SLC33A2: variants seen among roughly 807,000 people sequenced by gnomAD.
The protein encoded by SLC33A2 is solute carrier family 33 member 2, also known as major facilitator superfamily domain containing 3.
chr8:144,510,345 C>G, the SLC33A2 span: 1 of 1,611,066 alleles, frequency 6.2e-7, no homozygotes, highest in Non-Finnish European at 8.5e-7. Flanking sequence ...GCTCATGCCC[C>G]CCCCACCACC....
chr8:144,510,602 C>T, the SLC33A2 span: 4 of 1,583,900 alleles, frequency 2.5e-6, no homozygotes, highest in East Asian at 9.0e-5. Flanking sequence ...TCCCAGGAAA[C>T]TGCTGCCTCT....
chr8:144,510,770 CA>C, the SLC33A2 span: 1 of 1,610,352 alleles, frequency 6.2e-7, no homozygotes, highest in Non-Finnish European at 8.5e-7. Context: ...GAGCCTGGGG[CA>C]CTGCTGACTT....
the SLC33A2 span, chr8:144,510,168 G>C: frequency 7.0e-5 from 89 of 1,277,022 alleles, no homozygotes; most frequent in Non-Finnish European, 9.2e-5. Flanking sequence ...CTGCAGCTGG[G>C]CCTTGTGTCT....
the SLC33A2 span, chr8:144,510,658 G>GA: frequency 6.4e-7 from 1 of 1,559,658 alleles, no homozygotes. Context: ...TAGCCTGTCA[G>GA]ACTGCCTTGG....
the SLC33A2 span, chr8:144,510,704 G>A: frequency 5.1e-6 from 8 of 1,575,336 alleles, no homozygotes; most frequent in East Asian, 9.0e-5. Context: ...CAGCATGGAC[G>A]CTGGCACAAT....
At chr8:144,509,457 C>A in the SLC33A2 span, 1 of 1,535,460 alleles carries the variant, frequency 6.5e-7, no homozygotes, top group South Asian at 1.2e-5. Context: ...GCGCGTGGGG[C>A]TGGCCAAGGT....
chr8:144,509,419 T>TGCTGCGTGCC, the SLC33A2 span: 7 of 1,531,410 alleles, frequency 4.6e-6, no homozygotes, highest in Admixed American at 1.2e-4. Flanking sequence ...CTGCCAGTGC[T>TGCTGCGTGCC]GCTGCGTGCC....
At chr8:144,509,276 C>T in the SLC33A2 span, 1 of 1,412,608 alleles carries the variant, frequency 7.1e-7, no homozygotes, top group Non-Finnish European at 9.2e-7. Flanking sequence ...GGGGACCTCG[C>T]CTTGCGGGAC....
At chr8:144,509,866 C>T in the SLC33A2 span, 1 of 1,538,566 alleles carries the variant, frequency 6.5e-7, no homozygotes, top group Non-Finnish European at 8.7e-7. Context: ...TGGCTGGCCG[C>T]GGCCCTGGCC....
chr8:144,509,488 T>C, the SLC33A2 span: 1 of 1,535,626 alleles, frequency 6.5e-7, no homozygotes, highest in East Asian at 2.5e-5. Flanking sequence ...CCGTGGCTGC[T>C]CAAGCTGGCT....
chr8:144,510,507 GGT>G, the SLC33A2 span: 1 of 1,612,562 alleles, frequency 6.2e-7, no homozygotes, highest in Non-Finnish European at 8.5e-7. Flanking sequence ...GCCAAGCACT[GGT>G]GAGCCCTCCC....
At chr8:144,510,974 A>AC in the SLC33A2 span, 112 of 1,599,030 alleles carry the variant, frequency 7.0e-5, 1 homozygote, top group African/African-American at 9.1e-4. Context: ...CTTGACCGTG[A>AC]CCCCCACCCC....
chr8:144,509,921 C>T, the SLC33A2 span: 5 of 1,573,654 alleles, frequency 3.2e-6, no homozygotes, highest in African/African-American at 1.3e-5. Flanking sequence ...AGCCCCCTTC[C>T]GAGCAGCGTC....
the SLC33A2 span, chr8:144,509,298 C>T: frequency 5.0e-5 from 71 of 1,426,840 alleles, no homozygotes; most frequent in African/African-American, 1.0e-3. Flanking sequence ...CCACCTGGAA[C>T]CCGACCTCCC....
At chr8:144,509,950 T>C in the SLC33A2 span, 1 of 1,594,182 alleles carries the variant, frequency 6.3e-7, no homozygotes, top group Non-Finnish European at 8.5e-7. Flanking sequence ...GCGCACCTTC[T>C]GCGGGACGTG....
At chr8:144,511,212 G>T in the SLC33A2 span, 1 of 1,584,748 alleles carries the variant, frequency 6.3e-7, no homozygotes, top group Admixed American at 1.7e-5. Flanking sequence ...CTGTGGCCCA[G>T]ATGTCTCTGT....
At chr8:144,511,105 C>A in the SLC33A2 span, 2 of 1,610,278 alleles carry the variant, frequency 1.2e-6, no homozygotes, top group Non-Finnish European at 1.7e-6. Flanking sequence ...CTTGCTCCTG[C>A]TCATCCTCTC....
the SLC33A2 span, chr8:144,510,170 C>T: frequency 1.6e-6 from 2 of 1,268,984 alleles, no homozygotes; most frequent in Non-Finnish European, 2.1e-6. Context: ...GCAGCTGGGC[C>T]TTGTGTCTTG....
the SLC33A2 span, chr8:144,509,138 G>A: frequency 3.3e-5 from 17 of 520,172 alleles, no homozygotes; most frequent in African/African-American, 3.4e-4. Flanking sequence ...CCCGACTTCG[G>A]TTCTTCTGGG....
Sources: gnomAD v4.1 joint callset for allele counts on GRCh38, gnomAD v4.1.1 for gene constraint, MANE v1.5 for transcripts, NCBI Gene and HGNC (gene_info 2026-07-23, HGNC 2026-07-21) for gene names.